PBX3: variants seen among roughly 807,000 people sequenced by gnomAD.
The protein encoded by PBX3 is pre-B-cell leukemia transcription factor 3.
PBX3 carries 14 observed loss-of-function variants against 48.5 expected under a neutral mutation model. That is an observed-to-expected ratio of 0.29 (90% CI 0.19 to 0.45). The LOEUF is 0.45. Ranked by LOEUF, PBX3 falls within the 20% of genes least tolerant of loss-of-function variation. PBX3 has a pLI of 1.00. For missense variants in PBX3, 386 were observed against 546.7 expected (o/e 0.71, Z 2.93); for synonymous variants, 210 against 200.3 (o/e 1.05, Z -0.41).
chr9:125,750,215 G>A (rs1836332840), intron 2 of PBX3, among the ~76,000 whole-genome samples: 1 of 152,180 alleles, frequency 6.6e-6, no homozygotes, highest in African/African-American at 2.4e-5. Flanking sequence ...TATTGACTAT[G>A]TTGTGAATAT....
chr9:125,817,856 G>A (rs1838512560), intron 2 of PBX3, among the ~76,000 whole-genome samples: 2 of 152,158 alleles, frequency 1.3e-5, no homozygotes, highest in South Asian at 4.1e-4. Context: ...ATTCTTGTGA[G>A]TATAGCGTGC....
intron 2 of PBX3, among the ~76,000 whole-genome samples, chr9:125,875,016 A>G (rs1337539861): frequency 6.6e-6 from 1 of 152,200 alleles, no homozygotes; most frequent in Non-Finnish European, 1.5e-5. Flanking sequence ...ATGAAGTAAT[A>G]ATATGGATGG....
At chr9:125,793,065 T>C (rs561110066) in intron 2 of PBX3, among the ~76,000 whole-genome samples, 11 of 151,792 alleles carry the variant, frequency 7.2e-5, no homozygotes, top group African/African-American at 2.7e-4. Flanking sequence ...TTTAAAAAAA[T>C]ATATTGGCCA....
At chr9:125,881,264 G>A (rs1323330437) in intron 2 of PBX3, among the ~76,000 whole-genome samples, 1 of 152,186 alleles carries the variant, frequency 6.6e-6, no homozygotes, top group Non-Finnish European at 1.5e-5. Context: ...AAGTGACATG[G>A]CAGAGCTTGG....
At chr9:125,801,360 C>G (rs73667065) in intron 2 of PBX3, among the ~76,000 whole-genome samples, 5,928 of 152,216 alleles carry the variant, frequency 0.039, 405 homozygotes, top group African/African-American at 0.13. Flanking sequence ...ACTGTTTATT[C>G]TGGCAGATAA....
At chr9:125,958,585 C>A (rs966282421) in intron 5 of PBX3, among the ~76,000 whole-genome samples, 2 of 152,024 alleles carry the variant, frequency 1.3e-5, no homozygotes, top group Admixed American at 1.3e-4. Flanking sequence ...ACAATGGAGG[C>A]GGGGATATTG....
intron 2 of PBX3, among the ~76,000 whole-genome samples, chr9:125,898,343 A>G (rs1401700360): frequency 3.3e-5 from 5 of 151,164 alleles, no homozygotes; most frequent in African/African-American, 7.3e-5. Flanking sequence ...GATGCACCCT[A>G]TGTTTTAGGG....
At position 125,853,270 on chromosome 9, in the gene PBX3, A is replaced by G. The variant is rs188693609; in HGVS notation, c.275-62416A>G. On this transcript the variant is annotated intron_variant, in intron 2 of 8. Transcript: ENST00000373489. ...AGGTCTCACTGATTTACCTCAAAAT[A>G]TAGCCATGATTTCCTCAAGTATTGT... 1.0e-3 allele frequency among the ~76,000 whole-genome samples: 152 copies of G among 152,334 alleles called. 2 individuals are homozygous for G. The highest frequency in any genetic ancestry group is 1.6e-3 in the Non-Finnish European group (110 of 68,014).
At chr9:125,794,700 GT>G (rs367765267) in intron 2 of PBX3, among the ~76,000 whole-genome samples, 54 of 143,258 alleles carry the variant, frequency 3.8e-4, no homozygotes, top group Admixed American at 4.1e-4. Flanking sequence ...ACTCATGGCT[GT>G]TTTTTTTTTT....
chr9:125,937,817 C>T (rs1217022497), intron 5 of PBX3, among the ~76,000 whole-genome samples: 1 of 152,058 alleles, frequency 6.6e-6, no homozygotes, highest in Non-Finnish European at 1.5e-5. Flanking sequence ...CACGCCACCA[C>T]ACCCAGCTGA....
At chr9:125,770,972 A>T (rs1390948934) in intron 2 of PBX3, among the ~76,000 whole-genome samples, 2 of 152,188 alleles carry the variant, frequency 1.3e-5, no homozygotes, top group Non-Finnish European at 2.9e-5. Context: ...TACCAGCCTC[A>T]CATTTGAATA....
intron 2 of PBX3, among the ~76,000 whole-genome samples, chr9:125,838,836 G>T (rs1199904807): frequency 1.3e-5 from 2 of 152,210 alleles, no homozygotes; most frequent in Non-Finnish European, 2.9e-5. Context: ...ATCTGGGAAG[G>T]TTTTATAAAA....
intron 2 of PBX3, among the ~76,000 whole-genome samples, chr9:125,909,584 T>C (rs1841155824): frequency 6.6e-6 from 1 of 152,110 alleles, no homozygotes; most frequent in Non-Finnish European, 1.5e-5. Flanking sequence ...ATTGCTGGGG[T>C]TGGCAGTGTA....
intron 4 of PBX3, among the ~76,000 whole-genome samples, chr9:125,935,002 T>C (rs11790139): frequency 0.23 from 34,256 of 152,140 alleles, 4,449 homozygotes; most frequent in East Asian, 0.5. Context: ...CCAAAACTTC[T>C]TGTAGCTCCA....
intron 2 of PBX3, among the ~76,000 whole-genome samples, chr9:125,868,160 C>G (rs1286821742): frequency 6.6e-6 from 1 of 151,534 alleles, no homozygotes; most frequent in African/African-American, 2.4e-5. Context: ...CAGGTCTGAG[C>G]CACTACACCC....
chr9:125,890,179 TTC>T (rs1368955100), intron 2 of PBX3, among the ~76,000 whole-genome samples: 1 of 152,166 alleles, frequency 6.6e-6, no homozygotes, highest in Non-Finnish European at 1.5e-5. Context: ...CGACTCCGGT[TTC>T]TCAGAGGAGG....
chr9:125,854,304 G>GT (rs1326028140), intron 2 of PBX3, among the ~76,000 whole-genome samples: 1 of 151,568 alleles, frequency 6.6e-6, no homozygotes, highest in East Asian at 1.9e-4. Context: ...GCTGATTTTT[G>GT]TGTTTTTTTT....
At chr9:125,949,414 G>A (rs1842140165) in intron 5 of PBX3, 2 of 1,550,826 alleles carry the variant, frequency 1.3e-6, no homozygotes, top group Non-Finnish European at 1.7e-6. Flanking sequence ...AGGGAGCAAA[G>A]GTTCTGACAT....
chr9:125,862,396 T>C (rs933245247), intron 2 of PBX3, among the ~76,000 whole-genome samples: 27 of 152,098 alleles, frequency 1.8e-4, no homozygotes, highest in African/African-American at 6.0e-4. Context: ...GTACTTTTTT[T>C]TGTTTGTTTG....
Sources: gnomAD v4.1 joint callset for allele counts (sites outside exome capture counted in the v4.1 genomes callset) on GRCh38, gnomAD v4.1.1 for gene constraint, MANE v1.5 for transcripts, NCBI Gene and HGNC (gene_info 2026-07-23, HGNC 2026-07-21) for gene names.